The following FAM83G variants were observed in gnomAD, a reference collection of about 807,000 sequenced individuals.
FAM83G encodes the protein scaffolding CK1 anchoring protein G, also known as protein FAM83G.
Under a neutral mutation model 61.5 loss-of-function variants are expected in FAM83G, and 38 were observed. That is an observed-to-expected ratio of 0.62 (90% CI 0.48 to 0.81). The LOEUF is 0.81. FAM83G is among the 30% of genes least tolerant of loss of function. FAM83G has a pLI of 0.00. For missense variants in FAM83G, 989 were observed against 1,133.6 expected (o/e 0.87, Z 1.83); for synonymous variants, 470 against 476.1 (o/e 0.99, Z 0.17).
intron 3 of FAM83G, among the ~76,000 whole-genome samples, chr17:18,984,271 G>A (rs1199181309): frequency 6.7e-6 from 1 of 149,408 alleles, no homozygotes; most frequent in African/African-American, 2.5e-5. Context: ...GAACCCGGGA[G>A]GCAGAGCTTG....
chr17:18,988,047 G>C (rs1044725578), intron 3 of FAM83G, among the ~76,000 whole-genome samples, 200 bp downstream of exon 3: 2 of 152,238 alleles, frequency 1.3e-5, no homozygotes, highest in Non-Finnish European at 2.9e-5. Flanking sequence ...TCTCTGCCAC[G>C]TTGGAGGTAG....
In FAM83G at chr17:18,971,708, G is replaced by C; in HGVS notation, c.2123C>G (p.Thr708Ser). 6.2e-7 allele frequency: 1 copy of C among 1,600,574 alleles called. No homozygotes were observed. The highest frequency in any genetic ancestry group is 1.3e-5 in the African/African-American group (1 of 74,706). ...FHHHRVPASGTRDKDGFPGPP... is the reference protein window; with the variant it reads ...FHHHRVPASGSRDKDGFPGPP... ...TCCTGGGAAGCCGTCTTTATCCCTAGTCCCTGAGGCAGGGACCCTGTGATG... is the reference window on the plus strand; with the variant it reads ...TCCTGGGAAGCCGTCTTTATCCCTACTCCCTGAGGCAGGGACCCTGTGATG... The change falls in exon 6 of 6, where the codon ACT becomes AGT. Residue 708 changes from threonine (T) to serine (S), a missense_variant. This residue lies in a region of FAM83G where 574 missense variants were observed against 645.1 expected (regional missense o/e 0.89). Coordinates refer to ENST00000388995, the MANE Select transcript of FAM83G (RefSeq NM_001039999.3). This position sits in a 1 kb window ranked among gnomAD's most constrained non-coding sequence, Gnocchi z 5.5.
chr17:18,999,342 C>T (rs2043662692), intron 2 of FAM83G, among the ~76,000 whole-genome samples: 1 of 151,934 alleles, frequency 6.6e-6, no homozygotes, highest in African/African-American at 2.4e-5. Flanking sequence ...AGCAGTGAGG[C>T]TCTGGTGCTC....
chr17:18,969,488 G>GC lies in FAM83G; in HGVS notation c.*1870dup, dbSNP rs2151999921. 6.9e-7 allele frequency: 1 copy of GC among 1,441,820 alleles called. No homozygotes were observed. The highest frequency in any genetic ancestry group is 1.4e-5 in the African/African-American group (1 of 71,638). The allele number at this position is 1,441,820 out of a possible 1,614,324, so 89.3% of individuals were successfully genotyped here. A position where few individuals can be genotyped will look rare whatever the true frequency, so the allele number is the denominator to read the frequency against. ...AGCGAGCCCTTTGGAGTCTGGCACT[G>GC]CCCGGCACTGTGCAGGATTCATGCC... is the stretch of plus-strand genomic sequence containing the variant. On this transcript the variant is annotated 3_prime_UTR_variant, in exon 6 of 6. Transcript: ENST00000388995.
chr17:18,977,876 G>A lies in FAM83G; in HGVS notation c.1790C>T (p.Ser597Leu), dbSNP rs776514603. 6.5e-5 allele frequency: 104 copies of A among 1,610,916 alleles called. No homozygotes were observed. In the South Asian group the frequency reaches 1.1e-3, roughly 17 times the overall value. Residue 597 changes from serine to leucine, a missense_variant, in exon 5 of 6, where the codon TCA (serine) becomes TTA (leucine). Around this residue, in one of 3 missense-constraint regions of FAM83G, gnomAD observed 574 missense variants for 645.1 expected, o/e 0.89. Transcript: ENST00000388995. ...YVTLSDQDSH[S>L]GSSGRGPGPR... The stretch of plus-strand genomic sequence containing the variant: ...GCCAGGGCCACGGCCGGAGCTGCCT[G>A]AGTGGCTGTCCTGGTCACTGAGGGT...
chr17:18,982,599 G>A (rs1036056991), intron 3 of FAM83G, among the ~76,000 whole-genome samples: 1 of 152,276 alleles, frequency 6.6e-6, no homozygotes, highest in East Asian at 1.9e-4. Flanking sequence ...GAGGACGGCC[G>A]GGTGGTGCTT....
chr17:18,997,330 T>C (rs530846504), intron 2 of FAM83G, among the ~76,000 whole-genome samples: 3 of 152,320 alleles, frequency 2.0e-5, no homozygotes, highest in South Asian at 4.1e-4. Context: ...GGAAAGGCCA[T>C]GAGGTGACCA....
At chr17:18,977,456 C>T (rs1444054836) in intron 5 of FAM83G, 128 bp downstream of exon 5, 5 of 954,914 alleles carry the variant, frequency 5.2e-6, no homozygotes, top group Non-Finnish European at 7.7e-6. Flanking sequence ...CAAGTTTCCC[C>T]ATCTGTAACA....
At chr17:18,991,787 A>C (rs1269042814) in intron 2 of FAM83G, among the ~76,000 whole-genome samples, 3 of 152,196 alleles carry the variant, frequency 2.0e-5, no homozygotes, top group African/African-American at 7.2e-5. Flanking sequence ...CAAGTGAAGG[A>C]GGGAGCCCAG....
At chr17:18,975,215 C>T (rs2042947515) in intron 5 of FAM83G, among the ~76,000 whole-genome samples, 3 of 152,206 alleles carry the variant, frequency 2.0e-5, no homozygotes, top group Non-Finnish European at 2.9e-5. Flanking sequence ...GAGGCAAGGG[C>T]TTCTCCCAAG....
chr17:18,976,790 G>A, intron 5 of FAM83G: 2 of 1,591,544 alleles, frequency 1.3e-6, no homozygotes, highest in South Asian at 1.1e-5. Flanking sequence ...GGCCCACCAA[G>A]GACCAATCCT....
In FAM83G at chr17:18,978,607, C is replaced by T. The variant is rs978351846; in HGVS notation, c.1059G>A (p.Lys353=). The T allele has an allele frequency of 6.2e-7, 1 of 1,613,086 alleles. No homozygotes were observed. Among genetic ancestry groups the T allele is most frequent in the African/African-American group, 1.3e-5 (1 of 74,898 alleles). ...TGGCAATCTCGTCGACGCTCTTGGC[C>T]TTGACAAGTGCGTACTTGGGGTTGA... The part of the protein sequence containing the change: ...KLVNPKYALV[K]AKSVDEIAKI... The change falls in exon 5 of 6, where the codon AAG becomes AAA. Residue 353 remains lysine, a synonymous_variant. Transcript: ENST00000388995.
chr17:18,980,064 T>C (rs2043090646), intron 3 of FAM83G, among the ~76,000 whole-genome samples: 1 of 152,186 alleles, frequency 6.6e-6, no homozygotes, highest in South Asian at 2.1e-4. Flanking sequence ...GCACACGTTT[T>C]AGAAGTGTCT....
In FAM83G at chr17:18,996,683, G is replaced by A. The variant is rs2043578718; in HGVS notation, c.522+6837C>T. On this transcript the variant is annotated intron_variant, in intron 2 of 5. Transcript: ENST00000388995. This position sits in a 1 kb window ranked among gnomAD's most constrained non-coding sequence, Gnocchi z 4.4. ...ACAGGTGTCCCTTTTCTGGAGACAG[G>A]GAGGGGTGGTGATGGCCACTCCCAT... is the stretch of plus-strand genomic sequence containing the variant. Among the ~76,000 whole-genome samples the A allele has an allele frequency of 6.6e-6, 1 of 152,310 alleles. No individual in the cohort carries two copies. The highest frequency in any genetic ancestry group is 1.5e-5 in the Non-Finnish European group (1 of 68,024).
intron 3 of FAM83G, among the ~76,000 whole-genome samples, chr17:18,987,407 G>C (rs1357881410): frequency 6.6e-6 from 1 of 152,230 alleles, no homozygotes; most frequent in African/African-American, 2.4e-5. Context: ...TGCAAGAGAA[G>C]TATTCGCCGT....
chr17:18,969,107 A>G lies in FAM83G; in HGVS notation c.*2252T>C, dbSNP rs2151999439. On this transcript the variant is annotated 3_prime_UTR_variant, in exon 6 of 6. Coordinates refer to ENST00000388995, the MANE Select transcript of FAM83G (RefSeq NM_001039999.3). ...CACATCTGCCTGGGCTGGAACTTCT[A>G]CCTCTCCACCATCCTCACGCTCGGC... 6.2e-7 allele frequency: 1 copy of G among 1,613,880 alleles called. No homozygotes were observed. The highest frequency in any genetic ancestry group is 8.5e-7 in the Non-Finnish European group (1 of 1,179,934).
intron 4 of FAM83G, 147 bp downstream of exon 4, chr17:18,979,402 A>T: frequency 1.1e-6 from 1 of 930,748 alleles, no homozygotes; most frequent in Non-Finnish European, 1.6e-6. Flanking sequence ...AGAGACAGAC[A>T]GGCGGGCAGA....
In FAM83G at chr17:18,978,209, C is replaced by A; in HGVS notation, c.1457G>T (p.Gly486Val). The A allele has an allele frequency of 6.4e-7, 1 of 1,562,906 alleles. No homozygotes were observed. Among genetic ancestry groups the A allele is most frequent in the Non-Finnish European group, 8.7e-7 (1 of 1,154,878 alleles). The change falls in exon 5 of 6, where the codon GGT becomes GTT. Residue 486 changes from glycine to valine, a missense_variant. Gly to Val is a moderately radical substitution (Grantham distance 109). Coordinates refer to ENST00000388995, the MANE Select transcript of FAM83G (RefSeq NM_001039999.3). Reference protein sequence around the residue: ...PPPEPSAPQDGVPAENGLPQG... With the variant: ...PPPEPSAPQDVVPAENGLPQG... ...GGGGAGGCCGTTCTCAGCTGGGACA[C>A]CGTCCTGGGGGGCACTGGGCTCTGG...
rs1221509825 is a variant in FAM83G, at chr17:19,004,666, C to G, written c.-129+43G>C. 1 of 151,638 alleles carries G rather than the reference C, an allele frequency of 6.6e-6. No homozygotes were observed. Among genetic ancestry groups the G allele is most frequent in the Non-Finnish European group, 1.5e-5 (1 of 67,810 alleles). 9.4% of individuals were successfully genotyped at this position (151,638 alleles called of 1,614,324 possible). A position where few individuals can be genotyped will look rare whatever the true frequency, so the allele number is the denominator to read the frequency against. On this transcript the variant is annotated intron_variant, in intron 1 of 5. Coordinates refer to ENST00000388995, the MANE Select transcript of FAM83G (RefSeq NM_001039999.3). This position sits in a 1 kb window ranked among gnomAD's most constrained non-coding sequence, Gnocchi z 5.4. ...ACGCGGTTGCGGGGCGGCGACGCCC[C>G]GCGAGACCCGGGATCCGGGGGGCGC...
Sources: gnomAD v4.1 joint callset for allele counts (sites outside exome capture counted in the v4.1 genomes callset) on GRCh38, gnomAD v4.1.1 for gene constraint, gnomAD v4.1.1 regional missense constraint, Gnocchi (gnomAD v3.1) non-coding constraint, MANE v1.5 for transcripts, NCBI Gene and HGNC (gene_info 2026-07-23, HGNC 2026-07-21) for gene names.